Variants in DTNB observed in about 807,000 individuals in gnomAD.
DTNB encodes DTN-B.
A neutral mutation model predicts 90.7 loss-of-function variants in DTNB; 63 were observed. The ratio of observed to expected loss-of-function variants is 0.69; its 90% CI spans 0.57 to 0.86. DTNB has a LOEUF of 0.86. Ranked by LOEUF, DTNB falls within the 40% of genes least tolerant of loss-of-function variation. The probability of loss-of-function intolerance (pLI) is 0.00; values close to 1 mark genes in which losing one functional copy is unlikely to be tolerated. For synonymous variants in DTNB, 277 were observed against 286.7 expected, an observed-to-expected ratio of 0.97 and a Z score of 0.34; for missense variants, 744 against 807.1, an observed-to-expected ratio of 0.92 and a Z score of 0.95.
chr2:25,642,402 G>A (rs888194826), intron 2 of DTNB, among the ~76,000 whole-genome samples: 10 of 148,518 alleles, frequency 6.7e-5, no homozygotes, highest in Non-Finnish European at 1.3e-4. Context: ...AATCTCCAGT[G>A]AGAAACCCTG....
intron 16 of DTNB, among the ~76,000 whole-genome samples, chr2:25,412,399 A>G (rs2046835468): frequency 6.6e-6 from 1 of 152,200 alleles, no homozygotes; most frequent in African/African-American, 2.4e-5. Flanking sequence ...TCTCTTGGCC[A>G]ATTCCCCAAG....
intron 15 of DTNB, among the ~76,000 whole-genome samples, chr2:25,423,521 A>G (rs980956429): frequency 2.6e-5 from 4 of 152,162 alleles, no homozygotes; most frequent in African/African-American, 9.7e-5. Context: ...TTACTGTGAG[A>G]TGTATTTTAA....
intron 1 of DTNB, among the ~76,000 whole-genome samples, chr2:25,663,545 C>G (rs1377448189): frequency 6.6e-6 from 1 of 152,124 alleles, no homozygotes; most frequent in Non-Finnish European, 1.5e-5. Context: ...TGTACTATTT[C>G]TTTATAACAT....
At chr2:25,433,121 C>T (rs934348308) in intron 13 of DTNB, 122 bp from the exon 14 acceptor site, 5 of 939,096 alleles carry the variant, frequency 5.3e-6, no homozygotes, top group Non-Finnish European at 7.7e-6. Context: ...TTGATTGCTT[C>T]CAAATGGCCA....
chr2:25,588,998 T>G (rs2062985685), intron 6 of DTNB, among the ~76,000 whole-genome samples: 1 of 152,216 alleles, frequency 6.6e-6, no homozygotes, highest in Non-Finnish European at 1.5e-5. Flanking sequence ...TGCCAGGCAA[T>G]GCTTGCCAAA....
rs1228814545 is a variant in DTNB, at chr2:25,558,365, T to C, written c.876+18473A>G. On this transcript the variant is annotated intron_variant, in intron 8 of 20. Coordinates refer to ENST00000406818, the MANE Select transcript of DTNB (RefSeq NM_021907.5). ...GAGAACACAGTGATCTTCCCACACA[T>C]GGAAGCAGAAGATGCACTCTCCAGT... 4.1e-6 allele frequency: 4 copies of C among 985,326 alleles called. No homozygotes were observed. The East Asian group carries it at 4.5e-4, about 112-fold the overall frequency. 61.0% of individuals were successfully genotyped at this position (985,326 alleles called of 1,614,324 possible).
intron 10 of DTNB, among the ~76,000 whole-genome samples, chr2:25,472,436 G>C (rs1452498931): frequency 2.0e-5 from 3 of 152,206 alleles, no homozygotes; most frequent in African/African-American, 4.8e-5. Flanking sequence ...ATGCTGAGAA[G>C]AGAGAGTGGG....
At position 25,383,095 on chromosome 2, in the gene DTNB, A is replaced by G. The variant is rs527707850; in HGVS notation, c.1879+741T>C. Among the ~76,000 whole-genome samples, 8 of 152,232 alleles carry G rather than the reference A, an allele frequency of 5.3e-5. No individual in the cohort carries two copies. In the East Asian group the frequency reaches 1.4e-3, roughly 26 times the overall value. On this transcript the variant is annotated intron_variant, in intron 19 of 20. Transcript: ENST00000406818. Reference sequence around the variant, plus strand: ...CATGAAGCCACAAAACCATTTGGCTATTCTAGTCCACAACAATCTCTTCCT... The same window carrying G: ...CATGAAGCCACAAAACCATTTGGCTGTTCTAGTCCACAACAATCTCTTCCT...
intron 10 of DTNB, among the ~76,000 whole-genome samples, chr2:25,458,152 G>A (rs964999478): frequency 6.6e-6 from 1 of 152,054 alleles, no homozygotes; most frequent in African/African-American, 2.4e-5. Context: ...TATTAACATC[G>A]TTCTCAAACG....
At chr2:25,555,317 G>T (rs1337625915) in intron 8 of DTNB, among the ~76,000 whole-genome samples, 1 of 149,326 alleles carries the variant, frequency 6.7e-6, no homozygotes, top group Non-Finnish European at 1.5e-5. Context: ...AAACAAAAAG[G>T]TCTGAAGCAA....
intron 9 of DTNB, among the ~76,000 whole-genome samples, chr2:25,495,098 TTC>T: frequency 6.6e-6 from 1 of 151,976 alleles, no homozygotes; most frequent in South Asian, 2.1e-4. Context: ...CAGGGTCTCG[TTC>T]TGTCACCCAG....
chr2:25,384,477 G>A (rs2038895160), intron 18 of DTNB, among the ~76,000 whole-genome samples: 1 of 152,166 alleles, frequency 6.6e-6, no homozygotes, highest in Non-Finnish European at 1.5e-5. Context: ...GGAGAGCAGG[G>A]TGCTGGGCCC....
At position 25,388,304 on chromosome 2, in the gene DTNB, G is replaced by A; in HGVS notation, c.1633C>T (p.Pro545Ser). 3.7e-6 allele frequency: 6 copies of A among 1,613,370 alleles called. No individual in the cohort carries two copies. The South Asian group carries it at 6.6e-5, about 18-fold the overall frequency. Reference protein sequence around the residue: ...SPTHGGGRPMPMPVRSTSAGS... With the variant: ...SPTHGGGRPMSMPVRSTSAGS... ...GCAGACGTGGAGCGCACTGGCATGG[G>A]CATTGGCCGGCCGCCTCCATGGGTG... is the stretch of plus-strand genomic sequence containing the variant. Residue 545 changes from proline (P) to serine (S), a missense_variant, in exon 17 of 21, where the codon CCC (proline) becomes TCC (serine). Coordinates refer to ENST00000406818, the MANE Select transcript of DTNB (RefSeq NM_021907.5).
chr2:25,516,548 C>T lies in DTNB; in HGVS notation c.1001+14925G>A, dbSNP rs143648022. On this transcript the variant is annotated intron_variant, in intron 9 of 20. Coordinates refer to ENST00000406818, the MANE Select transcript of DTNB (RefSeq NM_021907.5). ...GATTACAGGTGTGAGCCACCGTGCC[C>T]GGCCTCCCATCACTTTAGAAAACAG... Among the ~76,000 whole-genome samples, 272 of 151,996 alleles carry T rather than the reference C, an allele frequency of 1.8e-3. 2 individuals are homozygous for T. In the East Asian group the frequency reaches 0.04, roughly 22 times the overall value.
At chr2:25,505,153 C>T (rs975874668) in intron 9 of DTNB, among the ~76,000 whole-genome samples, 1 of 152,140 alleles carries the variant, frequency 6.6e-6, no homozygotes, top group African/African-American at 2.4e-5. Flanking sequence ...AGTAACTATC[C>T]AAACTGGCAT....
Position 25,419,485 on chromosome 2 carries a change from G to A in DTNB, c.1575+30C>T, listed in dbSNP as rs949407229. The A allele has an allele frequency of 6.4e-6, 10 of 1,557,356 alleles. No individual in the cohort carries two copies. In the African/African-American group the frequency reaches 1.4e-4, roughly 21 times the overall value. Reference sequence around the variant, plus strand: ...AGGAAGAACGTGCAAAGGAGCGAGAGTCCGGCGGGAAATTCCGAAGTTCAC... The same window carrying A: ...AGGAAGAACGTGCAAAGGAGCGAGAATCCGGCGGGAAATTCCGAAGTTCAC... On this transcript the variant is annotated intron_variant, in intron 16 of 20. Coordinates refer to ENST00000406818, the MANE Select transcript of DTNB (RefSeq NM_021907.5).
At chr2:25,549,572 A>G (rs1462734938) in intron 8 of DTNB, among the ~76,000 whole-genome samples, 2 of 152,160 alleles carry the variant, frequency 1.3e-5, no homozygotes, top group Non-Finnish European at 2.9e-5. Flanking sequence ...TTGTTGACCT[A>G]AATTGCAACT....
intron 9 of DTNB, among the ~76,000 whole-genome samples, chr2:25,484,403 A>G (rs1255619576): frequency 6.6e-6 from 1 of 152,202 alleles, no homozygotes. Context: ...ATACTTAGCA[A>G]TTCTTTGTGA....
At chr2:25,454,664 A>C (rs532851828) in intron 11 of DTNB, among the ~76,000 whole-genome samples, 1 of 152,210 alleles carries the variant, frequency 6.6e-6, no homozygotes, top group African/African-American at 2.4e-5. Flanking sequence ...TCGGTATTAA[A>C]TCTTTTAAAA....
Sources: allele counts gnomAD v4.1 joint callset (sites outside exome capture counted in the v4.1 genomes callset), GRCh38; gene constraint gnomAD v4.1.1; transcripts MANE v1.5; gene names NCBI Gene and HGNC (gene_info 2026-07-23, HGNC 2026-07-21).